SEC23IP: variants seen among roughly 807,000 people sequenced by gnomAD.
SEC23IP encodes SEC23-interacting protein.
A neutral mutation model predicts 113.4 loss-of-function variants in SEC23IP; 70 were observed. The ratio of observed to expected loss-of-function variants is 0.62; its 90% CI spans 0.51 to 0.75. The LOEUF is 0.75. SEC23IP is among the 30% of genes least tolerant of loss of function. The pLI is 0.00. For synonymous variants in SEC23IP, 398 were observed against 421.0 expected (o/e 0.95, Z 0.67); for missense variants, 1,160 against 1,204.9 (o/e 0.96, Z 0.55).
intron 4 of SEC23IP, among the ~76,000 whole-genome samples, chr10:119,904,994 CGTG>C (rs919407571): frequency 4.6e-5 from 7 of 152,124 alleles, no homozygotes; most frequent in Admixed American, 1.3e-4. Context: ...ACTAGCCAGG[CGTG>C]GTGGCACACG....
In SEC23IP at chr10:119,926,111, A is replaced by G; in HGVS notation, c.2197A>G (p.Lys733Glu). Residue 733 changes from lysine to glutamate, a missense_variant, in exon 13 of 19, where the codon AAA becomes GAA. Physicochemically the swap from Lys to Glu is moderately conservative, Grantham distance 56. Coordinates refer to ENST00000369075, the MANE Select transcript of SEC23IP (RefSeq NM_007190.4). ...KGQEQSAQKT[K>E]DMASLPSESN... ...ACAAGAGCAAAGTGCCCAGAAGACT[A>G]AAGACATGGCTTCCCTCCCCTCAGA... 3.7e-6 allele frequency: 6 copies of G among 1,614,168 alleles called. No individual in the cohort carries two copies. The highest frequency in any genetic ancestry group is 1.6e-4 in the Middle Eastern group (1 of 6,062).
intron 1 of SEC23IP, chr10:119,898,104 C>CTAT (rs1448755322): frequency 5.8e-6 from 1 of 173,904 alleles, no homozygotes; most frequent in Non-Finnish European, 1.2e-5. Flanking sequence ...AAATAAATAA[C>CTAT]TATTTGTATT....
intron 2 of SEC23IP, among the ~76,000 whole-genome samples, chr10:119,900,865 G>C (rs983054864): frequency 2.0e-5 from 3 of 151,954 alleles, no homozygotes; most frequent in African/African-American, 7.2e-5. Context: ...AATAAAAAAT[G>C]TCCATAGATA....
chr10:119,899,099 A>G (rs1854391182), intron 2 of SEC23IP, 140 bp downstream of exon 2: 5 of 758,118 alleles, frequency 6.6e-6, no homozygotes, highest in East Asian at 5.2e-5. Context: ...TGTAAGCTAC[A>G]TGAAGTAAAC....
chr10:119,915,221 G>A (rs2939930), intron 7 of SEC23IP, among the ~76,000 whole-genome samples: 99,740 of 152,154 alleles, frequency 0.66, 33,257 homozygotes, highest in African/African-American at 0.77. Flanking sequence ...ATAATAGTTC[G>A]TATTTATTGA....
chr10:119,926,022 T>C lies in SEC23IP; in HGVS notation c.2122-14T>C. 1 of 1,599,320 alleles carries C rather than the reference T, an allele frequency of 6.3e-7. No individual in the cohort carries two copies. Among genetic ancestry groups the C allele is most frequent in the Non-Finnish European group, 8.5e-7 (1 of 1,172,656 alleles). On this transcript the variant is annotated splice_polypyrimidine_tract_variant and intron_variant, in intron 12 of 18. Transcript: ENST00000369075. ...TTTCTCATGATTATGTTACTAAATT[T>C]TGGTATTTTACAGAAAAAAGCAGCG... is the stretch of plus-strand genomic sequence containing the variant.
chr10:119,917,716 A>T, intron 8 of SEC23IP, 120 bp from the exon 9 acceptor site: 1 of 689,000 alleles, frequency 1.5e-6, no homozygotes, highest in Non-Finnish European at 2.4e-6. Context: ...TACAGAAACA[A>T]CTCATAGTCT....
Position 119,911,942 on chromosome 10 carries a change from C to G in SEC23IP, c.1192-102C>G, listed in dbSNP as rs973155149. ...GAACAGTACTAATAATTTATAAACT[C>G]TCCGTACTCTGAGGTATAGCTTATT... is the stretch of plus-strand genomic sequence containing the variant. On this transcript the variant is annotated intron_variant, in intron 5 of 18. Transcript: ENST00000369075. 8.8e-6 allele frequency: 12 copies of G among 1,369,752 alleles called. No homozygotes were observed. In the African/African-American group the frequency reaches 1.7e-4, roughly 20 times the overall value. 84.8% of individuals were successfully genotyped at this position (1,369,752 alleles called of 1,614,324 possible). A position where few individuals can be genotyped will look rare whatever the true frequency, so the allele number is the denominator to read the frequency against.
chr10:119,932,219 G>A lies in SEC23IP; in HGVS notation c.2659G>A (p.Glu887Lys). 1 of 1,612,518 alleles carries A rather than the reference G, an allele frequency of 6.2e-7. No individual in the cohort carries two copies. The highest frequency in any genetic ancestry group is 8.5e-7 in the Non-Finnish European group (1 of 1,178,538). ...SLKSAWQTLN[E>K]FARAHTSSTQ... ...CAAAAGTGCTTGGCAGACATTAAATGAGTTTGCCCGTGCTCATACGTCTTC... is the reference window on the plus strand; with the variant it reads ...CAAAAGTGCTTGGCAGACATTAAATAAGTTTGCCCGTGCTCATACGTCTTC... Residue 887 changes from glutamate (E) to lysine (K), a missense_variant, in exon 16 of 19, where the codon GAG (glutamate) becomes AAG (lysine). By Grantham distance (56) the Glu-to-Lys change is moderately conservative. Coordinates refer to ENST00000369075, the MANE Select transcript of SEC23IP (RefSeq NM_007190.4).
chr10:119,936,380 A>G (rs913398995), intron 18 of SEC23IP, among the ~76,000 whole-genome samples: 7 of 151,908 alleles, frequency 4.6e-5, no homozygotes, highest in African/African-American at 1.7e-4. Context: ...AACATAGTGA[A>G]ACCCCGTCTC....
intron 6 of SEC23IP, 73 bp downstream of exon 6, chr10:119,912,237 A>C: frequency 6.7e-7 from 1 of 1,486,144 alleles, no homozygotes; most frequent in Non-Finnish European, 9.2e-7. Context: ...TAGAATGATG[A>C]AGAAATAAAC....
intron 18 of SEC23IP, among the ~76,000 whole-genome samples, chr10:119,937,732 C>G (rs1353336755): frequency 1.3e-5 from 2 of 151,336 alleles, no homozygotes; most frequent in East Asian, 3.9e-4. Flanking sequence ...CCCCATTTGG[C>G]TTTGTAATTT....
At position 119,941,288 on chromosome 10, in the gene SEC23IP, T is replaced by A. The variant is rs1855957071; in HGVS notation, c.*723T>A. 6.6e-6 allele frequency: 1 copy of A among 152,090 alleles called. No homozygotes were observed. The highest frequency in any genetic ancestry group is 1.5e-5 in the Non-Finnish European group (1 of 68,026). 9.4% of individuals were successfully genotyped at this position (152,090 alleles called of 1,614,324 possible). On this transcript the variant is annotated 3_prime_UTR_variant, in exon 19 of 19. Transcript: ENST00000369075. ...GGAGGAGAAGCAAGCAGATGAGAGG[T>A]TTTCCATTTTGTCATCCAAGGTAGC...
intron 8 of SEC23IP, among the ~76,000 whole-genome samples, chr10:119,917,488 C>T (rs937844218): frequency 6.6e-6 from 1 of 151,792 alleles, no homozygotes; most frequent in African/African-American, 2.4e-5. Flanking sequence ...AAGCAGTTCT[C>T]CTGCCTCACC....
chr10:119,926,100 C>T lies in SEC23IP; in HGVS notation c.2186C>T (p.Ala729Val), dbSNP rs1855410445. Reference protein sequence around the residue: ...ATSTKGQEQSAQKTKDMASLP... With the variant: ...ATSTKGQEQSVQKTKDMASLP... ...TCTACAAAAGGACAAGAGCAAAGTG[C>T]CCAGAAGACTAAAGACATGGCTTCC... Residue 729 changes from alanine to valine, a missense_variant, in exon 13 of 19, where the codon GCC becomes GTC. Coordinates refer to ENST00000369075, the MANE Select transcript of SEC23IP (RefSeq NM_007190.4). The T allele has an allele frequency of 1.9e-6, 3 of 1,614,050 alleles. No individual in the cohort carries two copies. The highest frequency in any genetic ancestry group is 2.5e-6 in the Non-Finnish European group (3 of 1,179,974).
At chr10:119,911,778 G>A (rs556944064) in intron 5 of SEC23IP, among the ~76,000 whole-genome samples, 34 of 152,090 alleles carry the variant, frequency 2.2e-4, no homozygotes, top group African/African-American at 8.2e-4. Flanking sequence ...CCTGGCCTAT[G>A]TTATTAGCTT....
At position 119,941,274 on chromosome 10, in the gene SEC23IP, A is replaced by G. The variant is rs971709948; in HGVS notation, c.*709A>G. ...CACGTCCATTTCCAGGAGGAGAAGC[A>G]AGCAGATGAGAGGTTTTCCATTTTG... On this transcript the variant is annotated 3_prime_UTR_variant, in exon 19 of 19. Transcript: ENST00000369075. The G allele has an allele frequency of 6.6e-5, 10 of 152,214 alleles. No homozygotes were observed. The highest frequency in any genetic ancestry group is 2.4e-4 in the African/African-American group (10 of 41,448). 9.4% of individuals were successfully genotyped at this position (152,214 alleles called of 1,614,324 possible).
intron 18 of SEC23IP, among the ~76,000 whole-genome samples, chr10:119,935,278 T>G (rs905213431): frequency 6.6e-6 from 1 of 152,124 alleles, no homozygotes; most frequent in Admixed American, 6.6e-5. Context: ...CTGGCTAACA[T>G]GGTGAAACCC....
chr10:119,920,441 C>T (rs1855214552), intron 11 of SEC23IP, among the ~76,000 whole-genome samples: 1 of 152,144 alleles, frequency 6.6e-6, no homozygotes, highest in Non-Finnish European at 1.5e-5. Context: ...CAGAGATACC[C>T]GTCTCTAAGG....
Sources: allele counts gnomAD v4.1 joint callset (sites outside exome capture counted in the v4.1 genomes callset), GRCh38; gene constraint gnomAD v4.1.1; transcripts MANE v1.5; gene names NCBI Gene and HGNC (gene_info 2026-07-23, HGNC 2026-07-21).